The following RIN2 variants were observed in gnomAD, a reference collection of about 807,000 sequenced individuals.
RIN2 encodes the protein RAB5 interacting protein 2.
In RIN2, 36 loss-of-function variants were observed where a neutral mutation model predicts 78.0. The observed-to-expected ratio is 0.46, with a 90% confidence interval of 0.35 to 0.61. RIN2 has a LOEUF of 0.61. Among genes scored for constraint, RIN2 ranks in the 20% least tolerant of loss-of-function variants. The probability of loss-of-function intolerance (pLI) is 0.00; values close to 1 mark genes in which losing one functional copy is unlikely to be tolerated. For missense variants in RIN2, 1,087 were observed against 1,159.7 expected (o/e 0.94, Z 0.91); for synonymous variants, 466 against 466.8 (o/e 1.00, Z 0.02).
chr20:19,897,705 A>G (rs1261909481), intron 3 of RIN2, among the ~76,000 whole-genome samples: 1 of 149,420 alleles, frequency 6.7e-6, no homozygotes, highest in Non-Finnish European at 1.5e-5. Context: ...CTCTGCAGGA[A>G]CTGTTGGCTT....
chr20:19,884,257 C>T (rs2038113493), intron 2 of RIN2, among the ~76,000 whole-genome samples: 1 of 151,508 alleles, frequency 6.6e-6, no homozygotes, highest in Non-Finnish European at 1.5e-5. Flanking sequence ...CTGGTCTCTA[C>T]AAAATAAAAA....
At chr20:19,770,245 T>C (rs1351243393) in intron 1 of RIN2, among the ~76,000 whole-genome samples, 1 of 152,168 alleles carries the variant, frequency 6.6e-6, no homozygotes, top group Non-Finnish European at 1.5e-5. Context: ...AAGTAATAAA[T>C]TTAGCAAAAT....
intron 2 of RIN2, among the ~76,000 whole-genome samples, chr20:19,846,620 T>C (rs887971457): frequency 1.3e-5 from 2 of 152,232 alleles, no homozygotes; most frequent in Admixed American, 1.3e-4. Flanking sequence ...GATTTTGGGC[T>C]GAGACGGTGG....
intron 2 of RIN2, among the ~76,000 whole-genome samples, chr20:19,845,505 A>G (rs1475882840): frequency 6.6e-6 from 1 of 150,804 alleles, no homozygotes; most frequent in Non-Finnish European, 1.5e-5. Context: ...CTTTTTTTTC[A>G]TATGTTTGTT....
intron 2 of RIN2, among the ~76,000 whole-genome samples, chr20:19,814,911 A>G (rs1029768089): frequency 6.6e-6 from 1 of 152,154 alleles, no homozygotes; most frequent in Non-Finnish European, 1.5e-5. Flanking sequence ...CACTGATTTT[A>G]AAATCCACTT....
Position 19,759,237 on chromosome 20 carries a change from A to G in RIN2, c.-163+910A>G, listed in dbSNP as rs190296431. 5.2e-3 allele frequency among the ~76,000 whole-genome samples: 794 copies of G among 152,278 alleles called. 2 individuals are homozygous for G. The highest frequency in any genetic ancestry group is 8.7e-3 in the Non-Finnish European group (595 of 68,022). ...CCCTGAGAGGCGCCTGTCTTCTCAG[A>G]GCTCTTAAATCCCTGGGGCTTTCCT... is the stretch of plus-strand genomic sequence containing the variant. On this transcript the variant is annotated intron_variant, in intron 1 of 12. Coordinates refer to ENST00000255006, the MANE Select transcript of RIN2 (RefSeq NM_018993.4).
Position 19,990,093 on chromosome 20 carries a change from C to G in RIN2, c.1850C>G (p.Ala617Gly). 6.3e-7 allele frequency: 1 copy of G among 1,599,062 alleles called. No individual in the cohort carries two copies. Among genetic ancestry groups the G allele is most frequent in the Non-Finnish European group, 8.5e-7 (1 of 1,172,760 alleles). The change falls in exon 10 of 13, where the codon GCC becomes GGC. Residue 617 changes from alanine (A) to glycine (G), a missense_variant. Physicochemically the swap from Ala to Gly is moderately conservative, Grantham distance 60 (BLOSUM62 0). Coordinates refer to ENST00000255006, the MANE Select transcript of RIN2 (RefSeq NM_018993.4). ...GCCATGCTGAAGGACTTTCACATGG[C>G]CGATGGCTCATGGAAGCAACTCAAG... The part of the protein sequence containing the change: ...VEAMLKDFHM[A>G]DGSWKQLKEN...
intron 2 of RIN2, chr20:19,872,311 A>G (rs996469667): frequency 1.3e-5 from 2 of 152,196 alleles, no homozygotes; most frequent in Non-Finnish European, 1.5e-5. Context: ...TCTGTATAAT[A>G]GTGTGAGAAT....
At chr20:19,885,160 ATAATT>A in intron 2 of RIN2, among the ~76,000 whole-genome samples, 1 of 152,198 alleles carries the variant, frequency 6.6e-6, no homozygotes, top group East Asian at 1.9e-4. Flanking sequence ...GGAATCCAAT[ATAATT>A]GCTTTTGCTG....
At chr20:19,875,319 C>T (rs576976875) in intron 2 of RIN2, among the ~76,000 whole-genome samples, 4 of 152,154 alleles carry the variant, frequency 2.6e-5, no homozygotes, top group South Asian at 2.1e-4. Flanking sequence ...CTACCATGCC[C>T]GGCTAATTTT....
chr20:19,901,687 C>T (rs2038989284), intron 3 of RIN2, among the ~76,000 whole-genome samples: 1 of 152,164 alleles, frequency 6.6e-6, no homozygotes, highest in Admixed American at 6.5e-5. Context: ...GCCCAGCCTT[C>T]TTCCTTATTC....
intron 2 of RIN2, among the ~76,000 whole-genome samples, chr20:19,813,350 G>A (rs1368426902): frequency 1.3e-5 from 2 of 152,216 alleles, no homozygotes; most frequent in South Asian, 2.1e-4. Flanking sequence ...CAGTTGGCTT[G>A]TACTTCATGG....
intron 2 of RIN2, among the ~76,000 whole-genome samples, chr20:19,859,790 A>G (rs1419382885): frequency 6.6e-6 from 1 of 152,180 alleles, no homozygotes; most frequent in East Asian, 1.9e-4. Flanking sequence ...TTTTCCATAA[A>G]TCTTTCCCTT....
chr20:19,961,168 G>A (rs1005995158), intron 6 of RIN2, among the ~76,000 whole-genome samples: 6 of 152,212 alleles, frequency 3.9e-5, no homozygotes, highest in Non-Finnish European at 5.9e-5. Flanking sequence ...AGACTGTAGC[G>A]AGAGAGCCCT....
At chr20:19,955,871 G>A (rs895285188) in intron 4 of RIN2, among the ~76,000 whole-genome samples, 10 of 152,182 alleles carry the variant, frequency 6.6e-5, no homozygotes, top group Non-Finnish European at 1.2e-4. Context: ...CTGGGGCATG[G>A]TTGTGCTTAT....
Position 19,797,163 on chromosome 20 carries a change from G to A in RIN2, c.-162-2459G>A, listed in dbSNP as rs1431600651. Among the ~76,000 whole-genome samples, 3 of 152,298 alleles carry A rather than the reference G, an allele frequency of 2.0e-5. 1 individual carries two copies. The East Asian group carries it at 5.8e-4, about 29-fold the overall frequency. On this transcript the variant is annotated intron_variant, in intron 1 of 12. Transcript: ENST00000255006. ...GGCACTGGAGTCTGCTGTTCCCCCA[G>A]GTGGTCTCAGTTTATAGGTGCTTAT...
At chr20:19,889,365 C>A (rs761077416) in intron 2 of RIN2, 1 of 1,227,038 alleles carries the variant, frequency 8.1e-7, no homozygotes, top group Non-Finnish European at 1.0e-6. Context: ...GGTGGGCTGG[C>A]GAGGTGGGGC....
intron 3 of RIN2, among the ~76,000 whole-genome samples, chr20:19,927,407 C>A (rs2040266409): frequency 6.6e-6 from 1 of 151,854 alleles, no homozygotes; most frequent in African/African-American, 2.4e-5. Flanking sequence ...TGCCACCATG[C>A]CTGGGTAATT....
At chr20:19,909,196 G>GC (rs1320600535) in intron 3 of RIN2, among the ~76,000 whole-genome samples, 1 of 151,962 alleles carries the variant, frequency 6.6e-6, no homozygotes, top group African/African-American at 2.4e-5. Context: ...ACCCACTGAG[G>GC]CCCATAAAAC....
Sources: gnomAD v4.1 joint callset for allele counts (sites outside exome capture counted in the v4.1 genomes callset) on GRCh38, gnomAD v4.1.1 for gene constraint, MANE v1.5 for transcripts, NCBI Gene and HGNC (gene_info 2026-07-23, HGNC 2026-07-21) for gene names.